The following KLHL12 variants were observed in gnomAD, a reference collection of about 807,000 sequenced individuals.
KLHL12 encodes kelch-like protein 12.
KLHL12 carries 17 observed loss-of-function variants against 60.8 expected under a neutral mutation model. The ratio of observed to expected loss-of-function variants is 0.28; its 90% CI spans 0.19 to 0.42. The LOEUF is 0.42. KLHL12 is among the 10% of genes least tolerant of loss of function. The pLI, the probability that KLHL12 is intolerant of heterozygous loss-of-function variation, is 1.00. For missense variants in KLHL12, 468 were observed against 722.3 expected, an observed-to-expected ratio of 0.65 and a Z score of 4.04; for synonymous variants, 220 against 250.9, an observed-to-expected ratio of 0.88 and a Z score of 1.16.
At chr1:202,927,355 G>T, upstream of KLHL12, 1 of 826,022 alleles carries the variant, frequency 1.2e-6, no homozygotes, top group Non-Finnish European at 1.5e-6. Context: ...CCTAGCGCGG[G>T]GCTTCTGTAC....
At chr1:202,894,841 T>C (rs1659782550) in intron 8 of KLHL12, 92 bp from the exon 9 acceptor site, 3 of 1,028,126 alleles carry the variant, frequency 2.9e-6, no homozygotes, top group Non-Finnish European at 4.4e-6. Flanking sequence ...CCTTTAAAAG[T>C]CTGAGAGCAA....
chr1:202,903,447 C>T (rs1660075135), intron 6 of KLHL12, among the ~76,000 whole-genome samples: 1 of 100,362 alleles, frequency 1.0e-5, no homozygotes, highest in South Asian at 3.7e-4. Flanking sequence ...TATTGTTTCT[C>T]TCATGCATTC....
chr1:202,928,452 A>G (rs1290087277), upstream of KLHL12: 1 of 1,263,700 alleles, frequency 7.9e-7, no homozygotes, highest in African/African-American at 1.5e-5. Context: ...TAATATGCCA[A>G]GCATCTGATT....
At chr1:202,912,322 C>A in intron 4 of KLHL12, 1 of 800,276 alleles carries the variant, frequency 1.2e-6, no homozygotes, top group Non-Finnish European at 2.2e-6. Flanking sequence ...TACCATCCTA[C>A]GAATGGCCAT....
intron 6 of KLHL12, among the ~76,000 whole-genome samples, chr1:202,901,032 C>G (rs976935619): frequency 1.3e-5 from 2 of 151,986 alleles, no homozygotes. Context: ...GGTGACAAAG[C>G]AAGACTGTCT....
chr1:202,892,396 T>C lies in KLHL12; in HGVS notation c.*137A>G. 1 of 909,910 alleles carries C rather than the reference T, an allele frequency of 1.1e-6. No homozygotes were observed. The highest frequency in any genetic ancestry group is 1.9e-5 in the South Asian group (1 of 52,980). 56.4% of individuals were successfully genotyped at this position (909,910 alleles called of 1,614,324 possible). On this transcript the variant is annotated 3_prime_UTR_variant, in exon 12 of 12. Coordinates refer to ENST00000367261, the MANE Select transcript of KLHL12 (RefSeq NM_021633.4). Reference sequence around the variant, plus strand: ...CGACGGGGAGTATGTGTCAAATAAGTACAATCATCACTGCACTGGTGCCTG... The same window carrying C: ...CGACGGGGAGTATGTGTCAAATAAGCACAATCATCACTGCACTGGTGCCTG...
In KLHL12 at chr1:202,911,202, A is replaced by T; in HGVS notation, c.569T>A (p.Val190Glu). 6.2e-7 allele frequency: 1 copy of T among 1,614,020 alleles called. No individual in the cohort carries two copies. Among genetic ancestry groups the T allele is most frequent in the Non-Finnish European group, 8.5e-7 (1 of 1,179,960 alleles). Residue 190 changes from valine (V) to glutamate (E), a missense_variant and splice_region_variant, in exon 5 of 12, where the codon GTG becomes GAG. Physicochemically the swap from Val to Glu is moderately radical, Grantham distance 121. Transcript: ENST00000367261. The part of the protein sequence containing the change: ...EKLIKCDEIQ[V>E]DSEEPVFEAV... ...CTCAAAGACTGGCTCTTCAGAATCC[A>T]CCTGTAAATGTATAATTACACACCG... is the stretch of plus-strand genomic sequence containing the variant.
rs1177921469 is a variant in KLHL12, at chr1:202,909,639, T to G, written c.718-515A>C. ...CTTTCATTTGCCTCCCAACTCACTC[T>G]GTACCTTTTTCCACTCTGCTCTCTG... On this transcript the variant is annotated intron_variant, in intron 5 of 11. Transcript: ENST00000367261. This position sits in a 1 kb window ranked among gnomAD's most constrained non-coding sequence, Gnocchi z 4.1. Among the ~76,000 whole-genome samples, 1 of 152,206 alleles carries G rather than the reference T, an allele frequency of 6.6e-6. No homozygotes were observed.
At chr1:202,928,364 T>C (rs1216590230), upstream of KLHL12, 11 of 475,022 alleles carry the variant, frequency 2.3e-5, no homozygotes, top group East Asian at 8.3e-4. Flanking sequence ...GGAATGTATC[T>C]ACAGCTCGGC....
chr1:202,905,720 G>A (rs1489959887), intron 6 of KLHL12, among the ~76,000 whole-genome samples: 1 of 152,152 alleles, frequency 6.6e-6, no homozygotes, highest in Non-Finnish European at 1.5e-5. Context: ...ATGCTTCAAT[G>A]AGCATTTCCT....
Position 202,891,865 on chromosome 1 carries a change from C to G in KLHL12, c.*668G>C, listed in dbSNP as rs1485788532. ...CAGTCTTCCAGGTTATGTAATACTT[C>G]AGTGCTGTTCTAGGTTCACTCACAA... is the stretch of plus-strand genomic sequence containing the variant. On this transcript the variant is annotated 3_prime_UTR_variant, in exon 12 of 12. Transcript: ENST00000367261. 1 of 152,190 alleles carries G rather than the reference C, an allele frequency of 6.6e-6. No individual in the cohort carries two copies. Among genetic ancestry groups the G allele is most frequent in the African/African-American group, 2.4e-5 (1 of 41,456 alleles). 9.4% of individuals were successfully genotyped at this position (152,190 alleles called of 1,614,324 possible).
intron 6 of KLHL12, among the ~76,000 whole-genome samples, chr1:202,902,493 T>C (rs1660042961): frequency 1.3e-5 from 2 of 151,918 alleles, no homozygotes; most frequent in Admixed American, 1.3e-4. Flanking sequence ...TTATATTGTA[T>C]CCTGATGTTT....
chr1:202,894,175 T>G lies in KLHL12; in HGVS notation c.1393+9A>C, dbSNP rs1659759294. ...CGCCTATTGTCCCCTCCCTCAGATC[T>G]GGTCTTACCAGAACGCTTGGTGGCC... On this transcript the variant is annotated intron_variant, in intron 10 of 11. Coordinates refer to ENST00000367261, the MANE Select transcript of KLHL12 (RefSeq NM_021633.4). 6.6e-7 allele frequency: 1 copy of G among 1,512,802 alleles called. No individual in the cohort carries two copies. The highest frequency in any genetic ancestry group is 1.2e-5 in the South Asian group (1 of 83,184). 93.7% of individuals were successfully genotyped at this position (1,512,802 alleles called of 1,614,324 possible). A position where few individuals can be genotyped will look rare whatever the true frequency, so the allele number is the denominator to read the frequency against.
At chr1:202,919,670 T>C in intron 3 of KLHL12, 85 bp downstream of exon 3, 2 of 1,301,464 alleles carry the variant, frequency 1.5e-6, no homozygotes, top group South Asian at 3.0e-5. Context: ...GTCTCCAAAA[T>C]GTTCATGATT....
intron 6 of KLHL12, among the ~76,000 whole-genome samples, chr1:202,906,727 T>A (rs1040865580): frequency 6.6e-6 from 1 of 152,126 alleles, no homozygotes; most frequent in Non-Finnish European, 1.5e-5. Flanking sequence ...AATGGTGCAA[T>A]CTTGGCTCAC....
Position 202,927,112 on chromosome 1 carries a change from C to G in KLHL12, c.-69G>C. 1.0e-6 allele frequency: 1 copy of G among 985,530 alleles called. No individual in the cohort carries two copies. Among genetic ancestry groups the G allele is most frequent in the Non-Finnish European group, 1.2e-6 (1 of 830,052 alleles). The allele number at this position is 985,530 out of a possible 1,614,324, so 61.0% of individuals were successfully genotyped here. A position where few individuals can be genotyped will look rare whatever the true frequency, so the allele number is the denominator to read the frequency against. On this transcript the variant is annotated 5_prime_UTR_variant, in exon 1 of 12. Coordinates refer to ENST00000367261, the MANE Select transcript of KLHL12 (RefSeq NM_021633.4). The stretch of plus-strand genomic sequence containing the variant: ...ACCTCCGCTCCCGAACCCACACAGC[C>G]GCACCGGGCCCGTCCCCAGCCTGTG...
intron 7 of KLHL12, 101 bp downstream of exon 7, chr1:202,896,753 A>G: frequency 1.1e-6 from 1 of 881,592 alleles, no homozygotes. Flanking sequence ...ACATCCTGTT[A>G]TTAGGCTTTT....
chr1:202,894,332 TC>T lies in KLHL12; in HGVS notation c.1295-51del. On this transcript the variant is annotated intron_variant, in intron 9 of 11. Transcript: ENST00000367261. ...AAGAGTGGTAAATCCTCATGCCCAT[TC>T]CTGGTCGGTTTTTTTCTGAGTGCTT... 3 of 1,304,134 alleles carry T rather than the reference TC, an allele frequency of 2.3e-6. No homozygotes were observed. In the African/African-American group the frequency reaches 4.4e-5, roughly 19 times the overall value. The allele number at this position is 1,304,134 out of a possible 1,614,324, so 80.8% of individuals were successfully genotyped here. A position where few individuals can be genotyped will look rare whatever the true frequency, so the allele number is the denominator to read the frequency against.
chr1:202,918,687 G>A (rs1249501958), intron 3 of KLHL12, among the ~76,000 whole-genome samples: 1 of 152,068 alleles, frequency 6.6e-6, no homozygotes, highest in Non-Finnish European at 1.5e-5. Flanking sequence ...TAAAACTCTT[G>A]GGAATCAAAC....
Sources: allele counts gnomAD v4.1 joint callset (sites outside exome capture counted in the v4.1 genomes callset), GRCh38; gene constraint gnomAD v4.1.1; non-coding constraint Gnocchi (gnomAD v3.1); transcripts MANE v1.5; gene names NCBI Gene and HGNC (gene_info 2026-07-23, HGNC 2026-07-21).